Variants in BHMT observed in about 807,000 individuals in gnomAD.
BHMT encodes the protein betaine--homocysteine S-methyltransferase.
In BHMT, 38 loss-of-function variants were observed where a neutral mutation model predicts 49.5. The observed-to-expected ratio is 0.77, with a 90% CI of 0.59 to 1.01. The LOEUF (loss-of-function observed/expected upper bound fraction) is 1.01, where lower values mean the gene tolerates loss of function less well. Among genes scored for constraint, BHMT ranks in the 50% least tolerant of loss-of-function variants. The probability of loss-of-function intolerance (pLI) is 0.00; values close to 1 mark genes in which losing one functional copy is unlikely to be tolerated. For synonymous variants in BHMT, 166 were observed against 176.3 expected, an observed-to-expected ratio of 0.94 and a Z score of 0.46; for missense variants, 426 against 495.7, an observed-to-expected ratio of 0.86 and a Z score of 1.34.
In BHMT at chr5:79,111,860, C is replaced by A. The variant is rs1222494380; in HGVS notation, c.-26C>A. The A allele has an allele frequency of 6.2e-7, 1 of 1,612,128 alleles. No homozygotes were observed. The highest frequency in any genetic ancestry group is 8.5e-7 in the Non-Finnish European group (1 of 1,179,134). On this transcript the variant is annotated 5_prime_UTR_variant, in exon 1 of 8. Transcript: ENST00000274353. ...TCGCCTAGTCGGTCCGCATCCGTGT[C>A]GACCACCTGTCTGGACACCACGAAG...
intron 2 of BHMT, among the ~76,000 whole-genome samples, chr5:79,117,733 A>C (rs896239271): frequency 6.6e-6 from 1 of 152,220 alleles, no homozygotes; most frequent in Non-Finnish European, 1.5e-5. Context: ...AGCCTGTCAT[A>C]TAGTTGCTCC....
At chr5:79,118,687 GC>G (rs1561252947) in intron 2 of BHMT, among the ~76,000 whole-genome samples, 1 of 152,130 alleles carries the variant, frequency 6.6e-6, no homozygotes, top group Non-Finnish European at 1.5e-5. Flanking sequence ...TCCCCCAAAT[GC>G]CATGCCTGTT....
intron 7 of BHMT, among the ~76,000 whole-genome samples, chr5:79,128,428 G>C (rs1318839598): frequency 1.3e-5 from 2 of 150,494 alleles, no homozygotes; most frequent in Non-Finnish European, 2.9e-5. Flanking sequence ...TACTTGGGAG[G>C]CTGAGGCACA....
rs1756651805 is a variant in BHMT at position 79,132,110 on chromosome 5, T to G, written c.*994T>G. 1 of 152,192 alleles carries G rather than the reference T, an allele frequency of 6.6e-6. No homozygotes were observed. Among genetic ancestry groups the G allele is most frequent in the African/African-American group, 2.4e-5 (1 of 41,458 alleles). 9.4% of individuals were successfully genotyped at this position (152,192 alleles called of 1,614,324 possible). On this transcript the variant is annotated 3_prime_UTR_variant, in exon 8 of 8. Coordinates refer to ENST00000274353, the MANE Select transcript of BHMT (RefSeq NM_001713.3). Reference sequence around the variant, plus strand: ...AACTATGATATTTTTCTCTGATAATTTAATATCTACTCTCCTACAAAAGCT... The same window carrying G: ...AACTATGATATTTTTCTCTGATAATGTAATATCTACTCTCCTACAAAAGCT...
rs997032472 is a variant in BHMT, at chr5:79,119,246, T to G, written c.167-13T>G. 2 of 1,579,858 alleles carry G rather than the reference T, an allele frequency of 1.3e-6. No individual in the cohort carries two copies. Among genetic ancestry groups the G allele is most frequent in the Admixed American group, 1.9e-5 (1 of 53,702 alleles). ...TAAACAGAAATTATACCTTTCCTCA[T>G]TCACTCTCCCAGTTCGCCAGCTTCA... is the stretch of plus-strand genomic sequence containing the variant. On this transcript the variant is annotated splice_polypyrimidine_tract_variant and intron_variant, in intron 2 of 7. Coordinates refer to ENST00000274353, the MANE Select transcript of BHMT (RefSeq NM_001713.3).
At chr5:79,121,584 A>C (rs1380763728) in intron 5 of BHMT, among the ~76,000 whole-genome samples, 2 of 152,150 alleles carry the variant, frequency 1.3e-5, no homozygotes, top group South Asian at 2.1e-4. Flanking sequence ...GGAGGCAGAG[A>C]CGGGTGGATC....
Position 79,131,205 on chromosome 5 carries a change from T to G in BHMT, c.*89T>G. On this transcript the variant is annotated 3_prime_UTR_variant, in exon 8 of 8. Coordinates refer to ENST00000274353, the MANE Select transcript of BHMT (RefSeq NM_001713.3). ...AAAAGGGGGTTAAAAAGCAGTGCTT[T>G]CATGAATGCCATCCTACACATATTA... The G allele has an allele frequency of 7.9e-7, 1 of 1,263,004 alleles. No homozygotes were observed. Among genetic ancestry groups the G allele is most frequent in the Non-Finnish European group, 1.1e-6 (1 of 902,832 alleles). The allele number at this position is 1,263,004 out of a possible 1,614,324, so 78.2% of individuals were successfully genotyped here. A position where few individuals can be genotyped will look rare whatever the true frequency, so the allele number is the denominator to read the frequency against.
intron 2 of BHMT, among the ~76,000 whole-genome samples, chr5:79,116,766 G>A (rs571787091): frequency 6.6e-6 from 1 of 152,274 alleles, no homozygotes; most frequent in East Asian, 1.9e-4. Flanking sequence ...TTTAAAATAA[G>A]TAATATAATG....
intron 1 of BHMT, 84 bp downstream of exon 1, chr5:79,112,002 T>A: frequency 7.1e-7 from 1 of 1,406,400 alleles, no homozygotes; most frequent in Non-Finnish European, 9.5e-7. Flanking sequence ...AGAGGGGCCC[T>A]CGGACCCTGC....
intron 2 of BHMT, among the ~76,000 whole-genome samples, chr5:79,117,412 T>C (rs993590299): frequency 2.6e-5 from 4 of 152,174 alleles, no homozygotes; most frequent in Non-Finnish European, 5.9e-5. Flanking sequence ...TCCCTATATT[T>C]TTCATTGGTT....
intron 2 of BHMT, among the ~76,000 whole-genome samples, chr5:79,116,633 C>T (rs1022141274): frequency 1.3e-5 from 2 of 152,122 alleles, no homozygotes; most frequent in African/African-American, 4.8e-5. Context: ...TTTATTTGAC[C>T]TTTTAGAGTT....
At chr5:79,124,461 G>A (rs1476523313) in intron 5 of BHMT, among the ~76,000 whole-genome samples, 15 of 87,742 alleles carry the variant, frequency 1.7e-4, no homozygotes, top group Admixed American at 6.2e-4. Context: ...TTTTTAAAAT[G>A]CAAAAAAAAA....
chr5:79,121,373 T>C lies in BHMT; in HGVS notation c.625+8T>C, dbSNP rs1756470379. The C allele has an allele frequency of 1.2e-6, 2 of 1,614,028 alleles. No individual in the cohort carries two copies. The highest frequency in any genetic ancestry group is 1.7e-6 in the Non-Finnish European group (2 of 1,179,902). On this transcript the variant is annotated splice_region_variant and intron_variant, in intron 5 of 7. Transcript: ENST00000274353. ...TGCGCCTGGTGAAAGCAGGTGATGA[T>C]AGATTTCAATCAGTTTGTGATTAGT...
Position 79,121,572 on chromosome 5 carries a change from TG to T in BHMT, c.625+210del, listed in dbSNP as rs540045049. On this transcript the variant is annotated intron_variant, in intron 5 of 7. Coordinates refer to ENST00000274353, the MANE Select transcript of BHMT (RefSeq NM_001713.3). ...GCTGACGCCTGTAATCCCAGCACTTTGGGAGGCAGAGACGGGTGGATCATGA... is the reference window on the plus strand; with the variant it reads ...GCTGACGCCTGTAATCCCAGCACTTTGGAGGCAGAGACGGGTGGATCATGA... Among the ~76,000 whole-genome samples the T allele has an allele frequency of 5.9e-5, 9 of 152,200 alleles. No individual in the cohort carries two copies. The South Asian group carries it at 1.9e-3, about 32-fold the overall frequency.
At chr5:79,122,993 G>A (rs149768212) in intron 5 of BHMT, among the ~76,000 whole-genome samples, 22 of 152,254 alleles carry the variant, frequency 1.4e-4, no homozygotes, top group African/African-American at 5.1e-4. Context: ...CCTTGAGGAG[G>A]AGACAGCACA....
At chr5:79,121,809 C>T (rs1471106119) in intron 5 of BHMT, among the ~76,000 whole-genome samples, 4 of 107,722 alleles carry the variant, frequency 3.7e-5, no homozygotes, top group Admixed American at 2.2e-4. Context: ...AGCGAGATTC[C>T]GTCTCAATAA....
In BHMT at chr5:79,131,226, T is replaced by C; in HGVS notation, c.*110T>C. On this transcript the variant is annotated 3_prime_UTR_variant, in exon 8 of 8. Transcript: ENST00000274353. ...GCTTTCATGAATGCCATCCTACACA[T>C]ATTATTGCTATTACCTGAACAAAAT... 1.0e-6 allele frequency: 1 copy of C among 979,160 alleles called. No individual in the cohort carries two copies. The highest frequency in any genetic ancestry group is 2.6e-5 in the East Asian group (1 of 38,018). 60.7% of individuals were successfully genotyped at this position (979,160 alleles called of 1,614,324 possible).
rs377423389 is a variant in BHMT at position 79,131,187 on chromosome 5, G to T, written c.*71G>T. 2.1e-6 allele frequency: 3 copies of T among 1,462,710 alleles called. No individual in the cohort carries two copies. The allele number at this position is 1,462,710 out of a possible 1,614,324, so 90.6% of individuals were successfully genotyped here. A position where few individuals can be genotyped will look rare whatever the true frequency, so the allele number is the denominator to read the frequency against. On this transcript the variant is annotated 3_prime_UTR_variant, in exon 8 of 8. Coordinates refer to ENST00000274353, the MANE Select transcript of BHMT (RefSeq NM_001713.3). ...CAGTTCCTACAAATACGGAAAAGGG[G>T]GTTAAAAAGCAGTGCTTTCATGAAT...
intron 5 of BHMT, among the ~76,000 whole-genome samples, chr5:79,125,456 TC>T: frequency 1.4e-5 from 1 of 72,248 alleles, no homozygotes; most frequent in African/African-American, 4.9e-5. Context: ...AGTCTGTGTC[TC>T]AGAAAAAAAA....
Sources: gnomAD v4.1 joint callset for allele counts (sites outside exome capture counted in the v4.1 genomes callset) on GRCh38, gnomAD v4.1.1 for gene constraint, MANE v1.5 for transcripts, NCBI Gene and HGNC (gene_info 2026-07-23, HGNC 2026-07-21) for gene names.